MAN1C1: variants seen among roughly 807,000 people sequenced by gnomAD.
The protein encoded by MAN1C1 is mannosyl-oligosaccharide 1,2-alpha-mannosidase IC.
A neutral mutation model predicts 71.5 loss-of-function variants in MAN1C1; 49 were observed. The ratio of observed to expected loss-of-function variants is 0.69; its 90% CI spans 0.54 to 0.87. The LOEUF (loss-of-function observed/expected upper bound fraction) is 0.87, where lower values mean the gene tolerates loss of function less well. Among genes scored for constraint, MAN1C1 ranks in the 40% least tolerant of loss-of-function variants. MAN1C1 has a pLI of 0.00. For missense variants in MAN1C1, 743 were observed against 835.0 expected, an observed-to-expected ratio of 0.89 and a Z score of 1.36; for synonymous variants, 352 against 343.7, an observed-to-expected ratio of 1.02 and a Z score of -0.27.
Position 25,723,087 on chromosome 1 carries a change from A to G in MAN1C1, c.638-23581A>G, listed in dbSNP as rs980097657. ...TATACCTCAGTGTAGGTCTCTTTTC[A>G]TTCACTGTGCCGGGAAATTAATGGA... On this transcript the variant is annotated intron_variant, in intron 2 of 11. Coordinates refer to ENST00000374332, the MANE Select transcript of MAN1C1 (RefSeq NM_020379.4). 5.0e-5 allele frequency among the ~76,000 whole-genome samples: 7 copies of G among 138,772 alleles called. No individual in the cohort carries two copies. In the South Asian group the frequency reaches 1.4e-3, roughly 28 times the overall value. The allele number at this position is 138,772 out of a possible 152,430, so 91.0% of individuals were successfully genotyped here.
chr1:25,638,628 C>T (rs968994763), intron 1 of MAN1C1, among the ~76,000 whole-genome samples: 1 of 151,752 alleles, frequency 6.6e-6, no homozygotes, highest in African/African-American at 2.4e-5. Flanking sequence ...TCTATTTTGC[C>T]TTTATTTCAA....
intron 1 of MAN1C1, among the ~76,000 whole-genome samples, chr1:25,657,621 A>G (rs2045785695): frequency 6.6e-6 from 1 of 152,192 alleles, no homozygotes; most frequent in African/African-American, 2.4e-5. Context: ...CTTCAGTTCT[A>G]TTTATGTCCC....
At chr1:25,738,646 T>A (rs2047015557) in intron 2 of MAN1C1, among the ~76,000 whole-genome samples, 1 of 152,152 alleles carries the variant, frequency 6.6e-6, no homozygotes, top group Non-Finnish European at 1.5e-5. Flanking sequence ...AGCTGGGTGG[T>A]AGTATTATCT....
At chr1:25,772,938 G>C (rs992969489) in intron 8 of MAN1C1, among the ~76,000 whole-genome samples, 1 of 152,198 alleles carries the variant, frequency 6.6e-6, no homozygotes. Context: ...TCATTCCAAT[G>C]GCTGGGTCCC....
At chr1:25,762,127 CTT>C (rs869136886) in intron 6 of MAN1C1, among the ~76,000 whole-genome samples, 12 of 27,688 alleles carry the variant, frequency 4.3e-4, no homozygotes, top group African/African-American at 2.0e-3. Flanking sequence ...CTTTTCTTTT[CTT>C]TTTTTTTTTT....
intron 2 of MAN1C1, among the ~76,000 whole-genome samples, chr1:25,736,059 C>G (rs531147487): frequency 1.3e-5 from 2 of 152,306 alleles, no homozygotes; most frequent in South Asian, 4.1e-4. Context: ...TGAAGGGTCT[C>G]TGTGTCTGCT....
intron 1 of MAN1C1, among the ~76,000 whole-genome samples, chr1:25,656,095 C>CTTTTTTTTTGTTTTTTTTTTTTTTTTT (rs2045761402): frequency 1.3e-5 from 1 of 74,986 alleles, no homozygotes; most frequent in Non-Finnish European, 2.2e-5. Flanking sequence ...GATTATCAGT[C>CTTTTTTTTTGTTTTTTTTTTTTTTTTT]TTTTTTTTTT....
At position 25,618,135 on chromosome 1, in the gene MAN1C1, G is replaced by A. The variant is rs1451882637; in HGVS notation, c.338G>A (p.Arg113His). ...AGGAAAGGGGGGCTGCGGCGCACCC[G>A]CCCCACTGGACCCCGCGAGGAGGCC... Reference protein sequence around the residue: ...RRRKGGLRRTRPTGPREEATA... With the variant: ...RRRKGGLRRTHPTGPREEATA... The change falls in exon 1 of 12, where the codon CGC becomes CAC. Residue 113 changes from arginine to histidine, a missense_variant. Arg to His is a conservative substitution (Grantham distance 29). Transcript: ENST00000374332. The A allele has an allele frequency of 6.6e-7, 1 of 1,520,204 alleles. No individual in the cohort carries two copies. The highest frequency in any genetic ancestry group is 8.8e-7 in the Non-Finnish European group (1 of 1,141,856). 94.2% of individuals were successfully genotyped at this position (1,520,204 alleles called of 1,614,324 possible).
intron 2 of MAN1C1, among the ~76,000 whole-genome samples, chr1:25,742,088 A>G (rs1450515654): frequency 3.9e-5 from 6 of 152,210 alleles, no homozygotes; most frequent in African/African-American, 1.4e-4. Context: ...AGAAGAGGTT[A>G]GCTAGTGGAA....
At position 25,778,098 on chromosome 1, in the gene MAN1C1, C is replaced by T. The variant is rs2047642551; in HGVS notation, c.1258-7C>T. 2.6e-6 allele frequency: 4 copies of T among 1,541,014 alleles called. No homozygotes were observed. Among genetic ancestry groups the T allele is most frequent in the Non-Finnish European group, 3.5e-6 (4 of 1,139,130 alleles). On this transcript the variant is annotated splice_region_variant and splice_polypyrimidine_tract_variant and intron_variant, in intron 8 of 11. Transcript: ENST00000374332. This position sits in a 1 kb window ranked among gnomAD's most constrained non-coding sequence, Gnocchi z 5.5. ...TTCTCCCTGCCCAATCCCCACCTTG[C>T]TCCCAGGCGATAGAGACCTACTTGC...
intron 2 of MAN1C1, among the ~76,000 whole-genome samples, chr1:25,700,252 T>C (rs1242237893): frequency 6.6e-6 from 1 of 152,212 alleles, no homozygotes; most frequent in East Asian, 1.9e-4. Context: ...CTCCAATGGC[T>C]GCGCAAATAT....
At chr1:25,664,069 G>A (rs998715588) in intron 1 of MAN1C1, among the ~76,000 whole-genome samples, 2 of 152,152 alleles carry the variant, frequency 1.3e-5, no homozygotes, top group African/African-American at 4.8e-5. Context: ...GGGATGATCA[G>A]GGACTAGGCT....
chr1:25,686,792 G>A (rs970042886), intron 2 of MAN1C1, among the ~76,000 whole-genome samples: 1 of 152,168 alleles, frequency 6.6e-6, no homozygotes, highest in South Asian at 2.1e-4. Flanking sequence ...TTTTTAGAGT[G>A]AAGAAACTTG....
intron 1 of MAN1C1, among the ~76,000 whole-genome samples, chr1:25,659,420 C>T (rs1014238366): frequency 1.3e-5 from 2 of 152,214 alleles, no homozygotes; most frequent in Non-Finnish European, 2.9e-5. Context: ...AAGCACAGTG[C>T]TGGCTACCTC....
rs1232221068 is a variant in MAN1C1, at chr1:25,764,591, TTTTAGTAGAGATGGGG to T, written c.1141+638_1141+653del. Reference sequence around the variant, plus strand: ...CCATGTCTGGCTACTTTTTTTGTATTTTTAGTAGAGATGGGGTTTAGTAGAGATGTTGGCCAAGCTG... The same window carrying T: ...CCATGTCTGGCTACTTTTTTTGTATTTTTAGTAGAGATGTTGGCCAAGCTG... On this transcript the variant is annotated intron_variant, in intron 7 of 11. Transcript: ENST00000374332. The surrounding 1 kb of genome is among the most constrained non-coding windows in gnomAD (Gnocchi z 4.4). 6.6e-6 allele frequency among the ~76,000 whole-genome samples: 1 copy of T among 151,960 alleles called. No individual in the cohort carries two copies. The highest frequency in any genetic ancestry group is 1.5e-5 in the Non-Finnish European group (1 of 68,010).
At chr1:25,741,529 C>T (rs1027613295) in intron 2 of MAN1C1, among the ~76,000 whole-genome samples, 3 of 152,196 alleles carry the variant, frequency 2.0e-5, no homozygotes, top group Non-Finnish European at 2.9e-5. Flanking sequence ...GCCCTCCTGC[C>T]GTCCCACTGT....
chr1:25,724,103 G>T (rs566272165), intron 2 of MAN1C1, among the ~76,000 whole-genome samples: 1 of 148,974 alleles, frequency 6.7e-6, no homozygotes, highest in South Asian at 2.1e-4. Context: ...ATCTCGGCTC[G>T]CTGCAACCTC....
intron 5 of MAN1C1, among the ~76,000 whole-genome samples, chr1:25,754,211 G>C (rs1006629941): frequency 2.6e-5 from 4 of 152,174 alleles, no homozygotes; most frequent in Non-Finnish European, 5.9e-5. Context: ...CCCGACGCTA[G>C]GAAGGCTGTG....
chr1:25,763,783 T>C (rs1434834460), intron 6 of MAN1C1, 91 bp from the exon 7 acceptor site: 11 of 1,022,452 alleles, frequency 1.1e-5, no homozygotes, highest in Non-Finnish European at 1.7e-5. Flanking sequence ...CCTCCATGCA[T>C]CTGAACCAGC....
Sources: allele counts gnomAD v4.1 joint callset (sites outside exome capture counted in the v4.1 genomes callset), GRCh38; gene constraint gnomAD v4.1.1; non-coding constraint Gnocchi (gnomAD v3.1); transcripts MANE v1.5; gene names NCBI Gene and HGNC (gene_info 2026-07-23, HGNC 2026-07-21).